Variants in DNAAF4 observed in about 807,000 individuals in gnomAD.
DNAAF4 encodes dynein assembly factor 4, axonemal.
Under a neutral mutation model 51.8 loss-of-function variants are expected in DNAAF4, and 43 were observed. That is an observed-to-expected ratio of 0.83 (90% CI 0.65 to 1.07). The LOEUF (loss-of-function observed/expected upper bound fraction) is 1.07. Ranked by LOEUF, DNAAF4 falls within the 50% of genes least tolerant of loss-of-function variation. DNAAF4 has a pLI of 0.00. For synonymous variants in DNAAF4, 194 were observed against 165.6 expected (o/e 1.17, Z -1.32); for missense variants, 581 against 493.0 (o/e 1.18, Z -1.69).
intron 4 of DNAAF4, among the ~76,000 whole-genome samples, chr15:55,467,544 T>TACAC (rs59329424): frequency 0.39 from 58,427 of 150,100 alleles, 12,181 homozygotes; most frequent in East Asian, 0.66. Flanking sequence ...TCTCAAAATC[T>TACAC]ACACACACAC....
At chr15:55,446,487 T>C (rs1240519211) in intron 6 of DNAAF4, among the ~76,000 whole-genome samples, 2 of 129,496 alleles carry the variant, frequency 1.5e-5, no homozygotes, top group Non-Finnish European at 1.6e-5. Flanking sequence ...GCTCCTCACA[T>C]CCTAGACGGG....
At chr15:55,496,829 T>A (rs1276795589) in intron 3 of DNAAF4, among the ~76,000 whole-genome samples, 1 of 151,994 alleles carries the variant, frequency 6.6e-6, no homozygotes, top group Non-Finnish European at 1.5e-5. Context: ...TCATTTTGAG[T>A]TAAAGGCACT....
rs1595931090 is a variant in DNAAF4 at position 55,472,791 on chromosome 15, A to C, written c.406-5630T>G. 3.9e-5 allele frequency among the ~76,000 whole-genome samples: 6 copies of C among 152,266 alleles called. No individual in the cohort carries two copies. The South Asian group carries it at 1.2e-3, about 32-fold the overall frequency. ...GAAATGTATAATTCTTTTAATCTAGAATGAATGTCTGGTCAACAAGGCATT... is the reference window on the plus strand; with the variant it reads ...GAAATGTATAATTCTTTTAATCTAGCATGAATGTCTGGTCAACAAGGCATT... On this transcript the variant is annotated intron_variant, in intron 4 of 9. Coordinates refer to ENST00000321149, the MANE Select transcript of DNAAF4 (RefSeq NM_130810.4).
At chr15:55,433,556 G>A (rs2057531817) in intron 8 of DNAAF4, among the ~76,000 whole-genome samples, 1 of 148,370 alleles carries the variant, frequency 6.7e-6, no homozygotes, top group Non-Finnish European at 1.5e-5. Context: ...AACCGGGGAG[G>A]CGGAGCTTGC....
chr15:55,442,117 T>C (rs2057724062), intron 6 of DNAAF4, among the ~76,000 whole-genome samples: 1 of 152,090 alleles, frequency 6.6e-6, no homozygotes, highest in African/African-American at 2.4e-5. Flanking sequence ...GACAGAGTTT[T>C]TTTTGTTTTG....
At chr15:55,441,731 A>C (rs2057717815) in intron 6 of DNAAF4, among the ~76,000 whole-genome samples, 1 of 152,090 alleles carries the variant, frequency 6.6e-6, no homozygotes, top group South Asian at 2.1e-4. Context: ...TGTCCCTACA[A>C]AGGACATGAA....
chr15:55,505,418 G>A (rs998412758), intron 1 of DNAAF4, among the ~76,000 whole-genome samples: 4 of 152,030 alleles, frequency 2.6e-5, no homozygotes, highest in African/African-American at 7.2e-5. Flanking sequence ...CCATTACTGG[G>A]TATATATAAA....
chr15:55,496,701 T>C (rs770926463), intron 3 of DNAAF4, among the ~76,000 whole-genome samples: 5 of 152,206 alleles, frequency 3.3e-5, no homozygotes, highest in Admixed American at 2.6e-4. Flanking sequence ...TTTATTTAAA[T>C]GGCTGCTGAA....
At chr15:55,466,882 T>C in intron 5 of DNAAF4, 48 bp downstream of exon 5, 1 of 1,571,730 alleles carries the variant, frequency 6.4e-7, no homozygotes. Flanking sequence ...GCGTCATATA[T>C]ACTTCACCAA....
At chr15:55,451,726 A>G (rs2057935588) in intron 5 of DNAAF4, among the ~76,000 whole-genome samples, 1 of 151,724 alleles carries the variant, frequency 6.6e-6, no homozygotes. Flanking sequence ...AAATCCTCCC[A>G]TCTCAGCCTT....
chr15:55,491,375 C>G, intron 3 of DNAAF4, 119 bp from the exon 4 acceptor site: 1 of 1,017,616 alleles, frequency 9.8e-7, no homozygotes, highest in Non-Finnish European at 1.4e-6. Context: ...TCACAAGGAA[C>G]ATGGAAAATA....
At chr15:55,503,295 C>CAAA (rs2058709384) in intron 1 of DNAAF4, among the ~76,000 whole-genome samples, 1 of 152,100 alleles carries the variant, frequency 6.6e-6, no homozygotes, top group African/African-American at 2.4e-5. Context: ...AACCTACCAA[C>CAAA]CAAAAAAAGT....
At chr15:55,448,327 G>A (rs2141454442) in intron 6 of DNAAF4, among the ~76,000 whole-genome samples, 1 of 151,890 alleles carries the variant, frequency 6.6e-6, no homozygotes, top group Admixed American at 6.6e-5. Flanking sequence ...ATTTTATTGA[G>A]GATTTTTGCA....
intron 5 of DNAAF4, among the ~76,000 whole-genome samples, chr15:55,460,854 T>C (rs1471995111): frequency 6.6e-6 from 1 of 151,252 alleles, no homozygotes; most frequent in African/African-American, 2.4e-5. Flanking sequence ...AACCTCCACC[T>C]CTTGGGCTCA....
intron 5 of DNAAF4, 43 bp downstream of exon 5, chr15:55,466,887 C>T: frequency 1.3e-6 from 2 of 1,573,360 alleles, no homozygotes; most frequent in Non-Finnish European, 1.7e-6. Flanking sequence ...ATATATACTT[C>T]ACCAACAGGA....
chr15:55,439,058 T>G (rs1448447505), intron 7 of DNAAF4, among the ~76,000 whole-genome samples: 1 of 152,192 alleles, frequency 6.6e-6, no homozygotes, highest in African/African-American at 2.4e-5. Context: ...ATTATCTTTC[T>G]CCAACAACAC....
In DNAAF4 at chr15:55,455,079, G is replaced by A. The variant is rs986659467; in HGVS notation, c.638-4712C>T. On this transcript the variant is annotated intron_variant, in intron 5 of 9. Transcript: ENST00000321149. Reference sequence around the variant, plus strand: ...AAGACAAACTACCAAAATTGACTTTGGAAAATTTCAATAATCAATAACTAT... The same window carrying A: ...AAGACAAACTACCAAAATTGACTTTAGAAAATTTCAATAATCAATAACTAT... Among the ~76,000 whole-genome samples the A allele has an allele frequency of 5.5e-5, 8 of 146,324 alleles. No individual in the cohort carries two copies. In the East Asian group the frequency reaches 8.0e-4, roughly 15 times the overall value.
chr15:55,477,511 C>G (rs1367111771), intron 4 of DNAAF4, among the ~76,000 whole-genome samples: 1 of 151,834 alleles, frequency 6.6e-6, no homozygotes. Context: ...TATATTAGAA[C>G]AAGTTGCTAT....
chr15:55,469,441 G>A (rs1028685126), intron 4 of DNAAF4, among the ~76,000 whole-genome samples: 120 of 141,222 alleles, frequency 8.5e-4, no homozygotes, highest in African/African-American at 2.6e-3. Context: ...CTTCCATCAC[G>A]AAACTTGTGG....
Sources: gnomAD v4.1 joint callset for allele counts (sites outside exome capture counted in the v4.1 genomes callset) on GRCh38, gnomAD v4.1.1 for gene constraint, MANE v1.5 for transcripts, NCBI Gene and HGNC (gene_info 2026-07-23, HGNC 2026-07-21) for gene names.